The following GRIN2A variants were observed in gnomAD, a reference collection of about 807,000 sequenced individuals.
GRIN2A encodes glutamate ionotropic receptor NMDA type subunit 2A.
A neutral mutation model predicts 113.4 loss-of-function variants in GRIN2A; 22 were observed. The observed-to-expected ratio is 0.19, with a 90% CI of 0.14 to 0.28. The LOEUF (loss-of-function observed/expected upper bound fraction) is 0.28. Ranked by LOEUF, GRIN2A falls within the 10% of genes least tolerant of loss-of-function variation. The pLI, the probability that GRIN2A is intolerant of heterozygous loss-of-function variation, is 1.00. For synonymous variants in GRIN2A, 827 were observed against 738.4 expected, an observed-to-expected ratio of 1.12 and a Z score of -1.94; for missense variants, 1,502 against 1,887.0, an observed-to-expected ratio of 0.80 and a Z score of 3.78.
At chr16:10,108,442 C>A (rs2048539710) in intron 2 of GRIN2A, among the ~76,000 whole-genome samples, 1 of 152,158 alleles carries the variant, frequency 6.6e-6, no homozygotes. Flanking sequence ...TGAGTGGGGA[C>A]ACAGCCAAAC....
chr16:10,128,266 C>T (rs1275062706), intron 2 of GRIN2A, among the ~76,000 whole-genome samples: 2 of 152,124 alleles, frequency 1.3e-5, no homozygotes, highest in Non-Finnish European at 2.9e-5. Flanking sequence ...GCCGTGGGTG[C>T]AACAGCTTGC....
At chr16:9,808,915 C>G (rs142157425) in intron 10 of GRIN2A, among the ~76,000 whole-genome samples, 3 of 151,710 alleles carry the variant, frequency 2.0e-5, no homozygotes, top group Non-Finnish European at 2.9e-5. Context: ...TCCCACCCCC[C>G]CAAAAAAAGT....
intron 5 of GRIN2A, among the ~76,000 whole-genome samples, chr16:9,841,973 C>T (rs28667950): frequency 0.036 from 5,443 of 152,186 alleles, 327 homozygotes; most frequent in African/African-American, 0.12. Context: ...GAAAGGAGGC[C>T]GGGTATGGTG....
chr16:10,104,901 C>G (rs1183499349), intron 2 of GRIN2A, among the ~76,000 whole-genome samples: 1 of 152,134 alleles, frequency 6.6e-6, no homozygotes, highest in African/African-American at 2.4e-5. Context: ...CAAAATAAGA[C>G]ACCTGAAACT....
intron 2 of GRIN2A, among the ~76,000 whole-genome samples, chr16:9,940,047 A>G (rs2044829565): frequency 7.2e-6 from 1 of 139,828 alleles, no homozygotes; most frequent in Non-Finnish European, 1.6e-5. Flanking sequence ...AGAGAAAGAG[A>G]GAGAGAGAGA....
In GRIN2A at chr16:9,754,817, G is replaced by A. The variant is rs1414819995; in HGVS notation, c.*8332C>T. On this transcript the variant is annotated 3_prime_UTR_variant, in exon 13 of 13. Coordinates refer to ENST00000330684, the MANE Select transcript of GRIN2A (RefSeq NM_001134407.3). Reference sequence around the variant, plus strand: ...AAAAGACAATGTTTTCGTATTTCTGGATCTTCGCTCTTTGCTCAGTTATCA... The same window carrying A: ...AAAAGACAATGTTTTCGTATTTCTGAATCTTCGCTCTTTGCTCAGTTATCA... 4.5e-6 allele frequency: 1 copy of A among 222,396 alleles called. No individual in the cohort carries two copies. The highest frequency in any genetic ancestry group is 9.0e-6 in the Non-Finnish European group (1 of 111,302). 13.8% of individuals were successfully genotyped at this position (222,396 alleles called of 1,614,324 possible). A position where few individuals can be genotyped will look rare whatever the true frequency, so the allele number is the denominator to read the frequency against.
At chr16:10,071,917 G>A (rs184652669) in intron 2 of GRIN2A, among the ~76,000 whole-genome samples, 1 of 152,192 alleles carries the variant, frequency 6.6e-6, no homozygotes, top group Admixed American at 6.5e-5. Context: ...CACAGAGAAG[G>A]AAATGGAGGC....
At chr16:9,914,094 G>T (rs73502649) in intron 3 of GRIN2A, among the ~76,000 whole-genome samples, 1 of 148,914 alleles carries the variant, frequency 6.7e-6, no homozygotes, top group Non-Finnish European at 1.5e-5. Context: ...ATCATTCTTG[G>T]TTAAAAAAAA....
intron 2 of GRIN2A, among the ~76,000 whole-genome samples, chr16:10,039,512 C>T (rs1013789811): frequency 6.6e-6 from 1 of 152,060 alleles, no homozygotes; most frequent in Admixed American, 6.5e-5. Context: ...GCTGAAGCTC[C>T]TCTCCCTAGG....
intron 2 of GRIN2A, among the ~76,000 whole-genome samples, chr16:10,055,952 G>T (rs968423231): frequency 6.6e-6 from 1 of 152,110 alleles, no homozygotes; most frequent in Non-Finnish European, 1.5e-5. Context: ...CTTTCTCAGG[G>T]TTTCACTAAG....
At chr16:10,087,361 G>A (rs910814196) in intron 2 of GRIN2A, among the ~76,000 whole-genome samples, 6 of 152,216 alleles carry the variant, frequency 3.9e-5, no homozygotes, top group Admixed American at 1.3e-4. Context: ...GGGAGCCAGC[G>A]GAATGTAAGT....
intron 11 of GRIN2A, among the ~76,000 whole-genome samples, chr16:9,788,472 G>A (rs1024872674): frequency 3.3e-5 from 5 of 151,886 alleles, no homozygotes; most frequent in Non-Finnish European, 1.5e-5. Flanking sequence ...TGGCCAGGCT[G>A]GTCTCAAACT....
chr16:9,769,144 C>A, intron 11 of GRIN2A, 55 bp from the exon 12 acceptor site: 2 of 1,356,628 alleles, frequency 1.5e-6, no homozygotes, highest in Non-Finnish European at 2.1e-6. Flanking sequence ...CACTTTGGGG[C>A]AGACGCTTCT....
chr16:10,070,872 G>T lies in GRIN2A; in HGVS notation c.414+109126C>A, dbSNP rs533953349. Among the ~76,000 whole-genome samples the T allele has an allele frequency of 4.6e-5, 7 of 152,244 alleles. No individual in the cohort carries two copies. The South Asian group carries it at 1.5e-3, about 32-fold the overall frequency. On this transcript the variant is annotated intron_variant, in intron 2 of 12. Transcript: ENST00000330684. ...CTTTCCTTTGTCTGCTTTTCTCATG[G>T]GTACTTTGCCCTCTAAGAAGCCTAC...
At position 10,026,987 on chromosome 16, in the gene GRIN2A, A is replaced by G. The variant is rs1423915515; in HGVS notation, c.415-88436T>C. 2.0e-5 allele frequency among the ~76,000 whole-genome samples: 3 copies of G among 152,146 alleles called. No individual in the cohort carries two copies. The East Asian group carries it at 5.8e-4, about 29-fold the overall frequency. Reference sequence around the variant, plus strand: ...TTTCAAATCAAAACCCCATCGCACCACCACCCAAGGGCTTCCTTTTGCCTT... The same window carrying G: ...TTTCAAATCAAAACCCCATCGCACCGCCACCCAAGGGCTTCCTTTTGCCTT... On this transcript the variant is annotated intron_variant, in intron 2 of 12. Transcript: ENST00000330684.
At chr16:9,933,256 G>C (rs1453162666) in intron 3 of GRIN2A, among the ~76,000 whole-genome samples, 2 of 152,082 alleles carry the variant, frequency 1.3e-5, no homozygotes, top group African/African-American at 2.4e-5. Flanking sequence ...AGAAACGGTT[G>C]GGTGTAAGGT....
intron 3 of GRIN2A, among the ~76,000 whole-genome samples, chr16:9,911,820 T>C (rs2044145027): frequency 6.6e-6 from 1 of 152,154 alleles, no homozygotes; most frequent in South Asian, 2.1e-4. Flanking sequence ...TGAACACTTT[T>C]ACACTTTTGG....
chr16:9,763,022 C>G lies in GRIN2A; in HGVS notation c.*127G>C, dbSNP rs1455219984. 2 of 961,456 alleles carry G rather than the reference C, an allele frequency of 2.1e-6. No homozygotes were observed. The highest frequency in any genetic ancestry group is 1.6e-5 in the African/African-American group (1 of 61,812). The allele number at this position is 961,456 out of a possible 1,614,324, so 59.6% of individuals were successfully genotyped here. On this transcript the variant is annotated 3_prime_UTR_variant, in exon 13 of 13. Coordinates refer to ENST00000330684, the MANE Select transcript of GRIN2A (RefSeq NM_001134407.3). ...CCGTGTGCAAAAGAGCCAACAACAA[C>G]AACAACAAAATACCTCCCTACATCT...
chr16:10,132,800 T>G (rs925994317), intron 2 of GRIN2A, among the ~76,000 whole-genome samples: 1 of 152,224 alleles, frequency 6.6e-6, no homozygotes, highest in Non-Finnish European at 1.5e-5. Flanking sequence ...AAGTTTCCCA[T>G]TGCTGCTGTA....
Sources: allele counts gnomAD v4.1 joint callset (sites outside exome capture counted in the v4.1 genomes callset), GRCh38; gene constraint gnomAD v4.1.1; transcripts MANE v1.5; gene names NCBI Gene and HGNC (gene_info 2026-07-23, HGNC 2026-07-21).